MTA2: variants seen among roughly 807,000 people sequenced by gnomAD.
The protein encoded by MTA2 is metastasis associated 1 family member 2.
Under a neutral mutation model 87.1 loss-of-function variants are expected in MTA2, and 22 were observed. The observed-to-expected ratio is 0.25, with a 90% CI of 0.18 to 0.36. The LOEUF (loss-of-function observed/expected upper bound fraction) is 0.36, where lower values mean the gene tolerates loss of function less well. Among genes scored for constraint, MTA2 ranks in the 10% least tolerant of loss-of-function variants. MTA2 has a pLI of 1.00. For synonymous variants in MTA2, 314 were observed against 310.1 expected (o/e 1.01, Z -0.13); for missense variants, 542 against 853.2 (o/e 0.64, Z 4.54).
Position 62,596,903 on chromosome 11 carries a change from C to T in MTA2, c.694-78G>A. 2.7e-6 allele frequency: 4 copies of T among 1,462,122 alleles called. No individual in the cohort carries two copies. In the South Asian group the frequency reaches 5.4e-5, roughly 20 times the overall value. 90.6% of individuals were successfully genotyped at this position (1,462,122 alleles called of 1,614,324 possible). On this transcript the variant is annotated intron_variant, in intron 8 of 17. Transcript: ENST00000278823. The stretch of plus-strand genomic sequence containing the variant: ...CTTCCTGCTCCTTAAAACACTCCCA[C>T]TCCCGGCCGGGCGCGGTGGCTCACA...
chr11:62,597,196 A>G (rs1221471443), intron 8 of MTA2, 120 bp downstream of exon 8: 2 of 708,328 alleles, frequency 2.8e-6, no homozygotes, highest in East Asian at 5.6e-5. Context: ...TCAAAACAAA[A>G]CAAAACAAAC....
rs148112737 is a variant in MTA2 at position 62,597,628 on chromosome 11, T to A, written c.575A>T (p.Gln192Leu). 1 of 1,613,918 alleles carries A rather than the reference T, an allele frequency of 6.2e-7. No individual in the cohort carries two copies. Among genetic ancestry groups the A allele is most frequent in the African/African-American group, 1.3e-5 (1 of 74,874 alleles). ...CCCTCACCGGGCCACCACAAGAAACTGGTCGATCTGCCGGTCTGTGAGAGG... is the reference window on the plus strand; with the variant it reads ...CCCTCACCGGGCCACCACAAGAAACAGGTCGATCTGCCGGTCTGTGAGAGG... ...DNPLTDRQIDQFLVVARAVGT... is the reference protein window; with the variant it reads ...DNPLTDRQIDLFLVVARAVGT... Residue 192 changes from glutamine to leucine, a missense_variant, in exon 7 of 18, where the codon CAG becomes CTG. Around this residue, in one of 6 missense-constraint regions of MTA2, gnomAD observed 150 missense variants for 243.9 expected, o/e 0.62. Transcript: ENST00000278823.
chr11:62,596,439 T>A lies in MTA2; in HGVS notation c.957+19A>T. 2 of 1,613,602 alleles carry A rather than the reference T, an allele frequency of 1.2e-6. No homozygotes were observed. The highest frequency in any genetic ancestry group is 1.7e-6 in the Non-Finnish European group (2 of 1,179,698). On this transcript the variant is annotated intron_variant, in intron 10 of 17. Transcript: ENST00000278823. ...TCAGCAGGTAGCCTATGGTCCACCC[T>A]CCCCAGCCCAGATAATACCTGCTGA...
At chr11:62,596,432 T>A (rs767620489) in intron 10 of MTA2, 26 bp downstream of exon 10, 8 of 1,613,302 alleles carry the variant, frequency 5.0e-6, no homozygotes, top group Non-Finnish European at 6.8e-6. Context: ...TAGCCTATGG[T>A]CCACCCTCCC....
At chr11:62,594,914 G>T in intron 15 of MTA2, 67 bp downstream of exon 15, 2 of 1,392,414 alleles carry the variant, frequency 1.4e-6, no homozygotes, top group South Asian at 1.2e-5. Context: ...AAAAAGCAAG[G>T]GGAGAGATGT....
In MTA2 at chr11:62,594,586, G is replaced by C. The variant is rs775104498; in HGVS notation, c.1622C>G (p.Pro541Arg). ...KPKTPRGTKT[P>R]INRNQLSQNR... Reference sequence around the variant, plus strand: ...CTGGGACAGCTGGTTTCTGTTGATCGGTGTCTTGGTACCCCGAGGTGTTTT... The same window carrying C: ...CTGGGACAGCTGGTTTCTGTTGATCCGTGTCTTGGTACCCCGAGGTGTTTT... Residue 541 changes from proline (P) to arginine (R), a missense_variant, in exon 16 of 18, where the codon CCG becomes CGG. Pro to Arg is a moderately radical substitution (Grantham distance 103). Around this residue, in one of 6 missense-constraint regions of MTA2, gnomAD observed 269 missense variants for 346.4 expected, o/e 0.78. Coordinates refer to ENST00000278823, the MANE Select transcript of MTA2 (RefSeq NM_004739.4). 1 of 1,613,948 alleles carries C rather than the reference G, an allele frequency of 6.2e-7. No individual in the cohort carries two copies. Among genetic ancestry groups the C allele is most frequent in the South Asian group, 1.1e-5 (1 of 91,066 alleles).
Position 62,595,205 on chromosome 11 carries a change from C to G in MTA2, c.1483+59G>C. 1 of 1,549,210 alleles carries G rather than the reference C, an allele frequency of 6.5e-7. No homozygotes were observed. The highest frequency in any genetic ancestry group is 1.1e-5 in the South Asian group (1 of 89,088). On this transcript the variant is annotated intron_variant, in intron 14 of 17. Coordinates refer to ENST00000278823, the MANE Select transcript of MTA2 (RefSeq NM_004739.4). The surrounding 1 kb of genome is among the most constrained non-coding windows in gnomAD (Gnocchi z 4.9). ...TGTTATTAGACATCCAGAGAAACAA[C>G]GGTCTCTGGGCAGAGCAATCCGAAA... is the stretch of plus-strand genomic sequence containing the variant.
chr11:62,595,640 C>A lies in MTA2; in HGVS notation c.1254+112G>T. 1 of 1,538,742 alleles carries A rather than the reference C, an allele frequency of 6.5e-7. No individual in the cohort carries two copies. Among genetic ancestry groups the A allele is most frequent in the South Asian group, 1.2e-5 (1 of 81,432 alleles). Reference sequence around the variant, plus strand: ...GTGTCTCCCCAACCAGCATCAAGCACCCCGTCCATCAAACCATCACCATAT... The same window carrying A: ...GTGTCTCCCCAACCAGCATCAAGCAACCCGTCCATCAAACCATCACCATAT... On this transcript the variant is annotated intron_variant, in intron 13 of 17. Coordinates refer to ENST00000278823, the MANE Select transcript of MTA2 (RefSeq NM_004739.4). This position sits in a 1 kb window ranked among gnomAD's most constrained non-coding sequence, Gnocchi z 4.9.
rs202115391 is a variant in MTA2, at chr11:62,594,674, C to A, written c.1574-40G>T. The A allele has an allele frequency of 1.9e-6, 3 of 1,565,536 alleles. No homozygotes were observed. The Admixed American group carries it at 5.1e-5, about 26-fold the overall frequency. On this transcript the variant is annotated intron_variant, in intron 15 of 17. Coordinates refer to ENST00000278823, the MANE Select transcript of MTA2 (RefSeq NM_004739.4). The stretch of plus-strand genomic sequence containing the variant: ...AAAACTTTCGCACCTTTTCTTCCCA[C>A]GCAGTTCCCCTTTGTTACTTCCATC...
Position 62,596,551 on chromosome 11 carries a change from G to A in MTA2, c.883-19C>T, listed in dbSNP as rs776951692. ...AGGGTAGCTAAGGGGGGCAGAGGGA[G>A]GAAGAATGAGCTGGCATCTGGCCCC... On this transcript the variant is annotated intron_variant, in intron 9 of 17. Transcript: ENST00000278823. 4 of 1,613,814 alleles carry A rather than the reference G, an allele frequency of 2.5e-6. No individual in the cohort carries two copies. Among genetic ancestry groups the A allele is most frequent in the South Asian group, 1.1e-5 (1 of 91,064 alleles).
At chr11:62,601,381 C>T in intron 1 of MTA2, 42 bp downstream of exon 1, 1 of 1,605,894 alleles carries the variant, frequency 6.2e-7, no homozygotes, top group Non-Finnish European at 8.5e-7. Flanking sequence ...CTACCCCAAC[C>T]TCTCCCGCCC....
At position 62,600,617 on chromosome 11, in the gene MTA2, C is replaced by G. The variant is rs373992545; in HGVS notation, c.96+5G>C. ...AGGGAGGGAGAGGGATTCTGCTCCA[C>G]TCACCTTGTTGAGCTCCTCAATCCG... On this transcript the variant is annotated splice_donor_5th_base_variant and intron_variant, in intron 2 of 17. Coordinates refer to ENST00000278823, the MANE Select transcript of MTA2 (RefSeq NM_004739.4). The G allele has an allele frequency of 6.2e-7, 1 of 1,613,326 alleles. No individual in the cohort carries two copies. The highest frequency in any genetic ancestry group is 1.1e-5 in the South Asian group (1 of 91,038).
rs745930729 is a variant in MTA2, at chr11:62,595,417, C to A, written c.1330G>T (p.Ala444Ser). 9 of 1,614,214 alleles carry A rather than the reference C, an allele frequency of 5.6e-6. No individual in the cohort carries two copies. Among genetic ancestry groups the A allele is most frequent in the Non-Finnish European group, 7.6e-6 (9 of 1,180,030 alleles). The change falls in exon 14 of 18, where the codon GCC becomes TCC. Residue 444 changes from alanine to serine, a missense_variant. Transcript: ENST00000278823. This position sits in a 1 kb window ranked among gnomAD's most constrained non-coding sequence, Gnocchi z 4.9. ...LSPYTTSANR[A>S]KLLAKNRQTF... ...TGTCTGTTCTTAGCCAGTAGCTTGG[C>A]CCTGTTGGCGCTGGTTGTGTAAGGA... is the stretch of plus-strand genomic sequence containing the variant.
chr11:62,594,292 T>C lies in MTA2; in HGVS notation c.1808A>G (p.Asn603Ser), dbSNP rs1293707227. The C allele has an allele frequency of 9.3e-6, 15 of 1,614,170 alleles. No homozygotes were observed. Among genetic ancestry groups the C allele is most frequent in the East Asian group, 4.5e-5 (2 of 44,888 alleles). The change falls in exon 17 of 18, where the codon AAT becomes AGT. Residue 603 changes from asparagine to serine, a missense_variant. Physicochemically the swap from Asn to Ser is conservative, Grantham distance 46 (BLOSUM62 1). Coordinates refer to ENST00000278823, the MANE Select transcript of MTA2 (RefSeq NM_004739.4). ...CTTTGTGGCCACAAACACCACAGGA[T>C]TGGGGGCATCAGCTGGGTTTAGTTT... is the stretch of plus-strand genomic sequence containing the variant. ...RQKLNPADAPNPVVFVATKDT... is the reference protein window; with the variant it reads ...RQKLNPADAPSPVVFVATKDT...
intron 1 of MTA2, 133 bp from the exon 2 acceptor site, chr11:62,600,822 T>C: frequency 2.9e-6 from 2 of 687,712 alleles, no homozygotes; most frequent in Admixed American, 2.8e-5. Context: ...GGCGCTGAGA[T>C]GTGAAAGTGG....
At position 62,597,216 on chromosome 11, in the gene MTA2, A is replaced by C. The variant is rs74360417; in HGVS notation, c.693+100T>G. 3.7e-6 allele frequency: 3 copies of C among 802,302 alleles called. No homozygotes were observed. In the African/African-American group the frequency reaches 5.3e-5, roughly 14 times the overall value. 49.7% of individuals were successfully genotyped at this position (802,302 alleles called of 1,614,324 possible). ...ACAAAACAAAACAAACAAAAAAAAA[A>C]CACTCCCACTCCCTCAGAGATACCC... is the stretch of plus-strand genomic sequence containing the variant. On this transcript the variant is annotated intron_variant, in intron 8 of 17. Coordinates refer to ENST00000278823, the MANE Select transcript of MTA2 (RefSeq NM_004739.4).
rs1442016397 is a variant in MTA2 at position 62,596,640 on chromosome 11, A to G, written c.879T>C (p.Asp293=). Residue 293 remains aspartate, a synonymous_variant, in exon 9 of 18, where the codon GAT becomes GAC. Transcript: ENST00000278823. ...YGKDFNDIRQ[D]FLPWKSLASI... Reference sequence around the variant, plus strand: ...CCTCCTAGTGCCATCCACTTACAAAATCCTGGCGAATATCATTGAAGTCCT... The same window carrying G: ...CCTCCTAGTGCCATCCACTTACAAAGTCCTGGCGAATATCATTGAAGTCCT... The G allele has an allele frequency of 1.2e-6, 2 of 1,612,278 alleles. No individual in the cohort carries two copies. The highest frequency in any genetic ancestry group is 1.7e-6 in the Non-Finnish European group (2 of 1,178,864).
chr11:62,595,361 G>T lies in MTA2; in HGVS notation c.1386C>A (p.Thr462=), dbSNP rs753358819. 3 of 1,614,200 alleles carry T rather than the reference G, an allele frequency of 1.9e-6. No individual in the cohort carries two copies. Among genetic ancestry groups the T allele is most frequent in the Non-Finnish European group, 2.5e-6 (3 of 1,180,036 alleles). The part of the protein sequence containing the change: ...QTFLLQTTKL[T]RLARRMCRDL... ...CCCTGCACATGCGTCTGGCAAGACG[G>T]GTCAGCTTTGTGGTCTGAAGCAGGA... The change falls in exon 14 of 18, where the codon ACC becomes ACA. Residue 462 remains threonine (T), a synonymous_variant. Coordinates refer to ENST00000278823, the MANE Select transcript of MTA2 (RefSeq NM_004739.4). This position sits in a 1 kb window ranked among gnomAD's most constrained non-coding sequence, Gnocchi z 4.9.
chr11:62,600,542 G>A, intron 2 of MTA2, 80 bp downstream of exon 2: 2 of 1,316,872 alleles, frequency 1.5e-6, no homozygotes, highest in East Asian at 2.3e-5. Context: ...CTTAGTATAG[G>A]ATCCTCTCTT....
Sources: allele counts gnomAD v4.1 joint callset, GRCh38; gene constraint gnomAD v4.1.1; regional missense constraint gnomAD v4.1.1; non-coding constraint Gnocchi (gnomAD v3.1); transcripts MANE v1.5; gene names NCBI Gene and HGNC (gene_info 2026-07-23, HGNC 2026-07-21).